ARHGEF28: variants seen among roughly 807,000 people sequenced by gnomAD.
ARHGEF28 encodes the protein Rho guanine nucleotide exchange factor 28, also known as 190 kDa guanine nucleotide exchange factor.
ARHGEF28 carries 152 observed loss-of-function variants against 206.6 expected under a neutral mutation model. The ratio of observed to expected loss-of-function variants is 0.74; its 90% CI spans 0.64 to 0.84. ARHGEF28 has a LOEUF of 0.84. Ranked by LOEUF, ARHGEF28 falls within the 40% of genes least tolerant of loss-of-function variation. ARHGEF28 has a pLI of 0.00. For missense variants in ARHGEF28, 2,028 were observed against 2,073.2 expected (o/e 0.98, Z 0.42); for synonymous variants, 763 against 776.4 (o/e 0.98, Z 0.29).
chr5:73,703,106 G>C (rs1304062388), intron 2 of ARHGEF28, among the ~76,000 whole-genome samples: 3 of 152,174 alleles, frequency 2.0e-5, no homozygotes, highest in African/African-American at 7.2e-5. Flanking sequence ...TTAGAGAATG[G>C]AGGTTATCTC....
chr5:73,696,877 G>A (rs933747713), intron 2 of ARHGEF28, among the ~76,000 whole-genome samples: 9 of 152,186 alleles, frequency 5.9e-5, no homozygotes, highest in African/African-American at 1.9e-4. Context: ...TTTCTGTACT[G>A]TGAGTTTTCC....
At chr5:73,689,313 C>G (rs962154150) in intron 2 of ARHGEF28, among the ~76,000 whole-genome samples, 3 of 152,038 alleles carry the variant, frequency 2.0e-5, no homozygotes, top group Admixed American at 2.0e-4. Flanking sequence ...CTGAACTCAG[C>G]CACAGATTCA....
intron 26 of ARHGEF28, among the ~76,000 whole-genome samples, chr5:73,890,671 T>C (rs1392087873): frequency 6.6e-6 from 1 of 152,186 alleles, no homozygotes; most frequent in Non-Finnish European, 1.5e-5. Flanking sequence ...CCAAGCTGTA[T>C]GATGCTGGGA....
intron 2 of ARHGEF28, among the ~76,000 whole-genome samples, chr5:73,737,454 TTTC>T (rs1751027597): frequency 2.3e-5 from 1 of 43,392 alleles, no homozygotes; most frequent in Admixed American, 3.0e-4. Context: ...TTTCTTTTCT[TTTC>T]TTTTCTTTTC....
At chr5:73,704,268 C>A (rs1195264446) in intron 2 of ARHGEF28, among the ~76,000 whole-genome samples, 1 of 152,090 alleles carries the variant, frequency 6.6e-6, no homozygotes, top group African/African-American at 2.4e-5. Context: ...TAAAGGACAT[C>A]ATCTACCTGT....
intron 9 of ARHGEF28, among the ~76,000 whole-genome samples, chr5:73,825,576 T>A (rs1756856475): frequency 6.6e-6 from 1 of 152,198 alleles, no homozygotes; most frequent in South Asian, 2.1e-4. Context: ...TGACTCGATT[T>A]CCTTTGTCTA....
intron 21 of ARHGEF28, among the ~76,000 whole-genome samples, chr5:73,870,795 A>G (rs770314699): frequency 1.3e-5 from 2 of 152,186 alleles, no homozygotes; most frequent in Non-Finnish European, 2.9e-5. Flanking sequence ...TGGATTGGAG[A>G]AAGTTAAATT....
At chr5:73,921,732 T>G (rs182313142) in intron 35 of ARHGEF28, among the ~76,000 whole-genome samples, 2 of 152,358 alleles carry the variant, frequency 1.3e-5, no homozygotes, top group Admixed American at 6.5e-5. Flanking sequence ...AAATACAGAA[T>G]ATTTGGATCA....
intron 1 of ARHGEF28, 119 bp from the exon 2 acceptor site, chr5:73,684,722 A>G: frequency 1.5e-6 from 1 of 675,700 alleles, no homozygotes; most frequent in Non-Finnish European, 2.4e-6. Flanking sequence ...TTGTCTCTGC[A>G]GTTTTCCTAT....
chr5:73,645,735 T>G (rs1744384173), intron 1 of ARHGEF28, among the ~76,000 whole-genome samples: 1 of 152,204 alleles, frequency 6.6e-6, no homozygotes, highest in Non-Finnish European at 1.5e-5. Flanking sequence ...ACTCTTTTAT[T>G]CTCCATTTCC....
chr5:73,802,160 G>T (rs1272169880), intron 9 of ARHGEF28, among the ~76,000 whole-genome samples: 2 of 152,142 alleles, frequency 1.3e-5, no homozygotes, highest in South Asian at 2.1e-4. Flanking sequence ...GGCAAACTTT[G>T]GGGGGAAAAA....
chr5:73,641,757 A>C (rs563142884), intron 1 of ARHGEF28, among the ~76,000 whole-genome samples: 81 of 152,278 alleles, frequency 5.3e-4, no homozygotes, highest in African/African-American at 1.8e-3. Context: ...GCAGCATTTG[A>C]GGGCTGCGTT....
At chr5:73,826,868 G>C (rs2112549275) in intron 9 of ARHGEF28, among the ~76,000 whole-genome samples, 1 of 152,324 alleles carries the variant, frequency 6.6e-6, no homozygotes, top group East Asian at 1.9e-4. Flanking sequence ...CGGAGCCCTT[G>C]TGGAGTCACC....
At chr5:73,767,199 T>C (rs2112434516) in intron 4 of ARHGEF28, among the ~76,000 whole-genome samples, 1 of 152,328 alleles carries the variant, frequency 6.6e-6, no homozygotes, top group Admixed American at 6.5e-5. Context: ...TTGCCCAGTC[T>C]CAGGTATGTC....
At chr5:73,765,049 A>T (rs868319293) in intron 4 of ARHGEF28, among the ~76,000 whole-genome samples, 5 of 151,938 alleles carry the variant, frequency 3.3e-5, no homozygotes, top group African/African-American at 1.2e-4. Flanking sequence ...ATATCTGTAA[A>T]TTTTCATATC....
intron 6 of ARHGEF28, among the ~76,000 whole-genome samples, chr5:73,777,792 G>C (rs946221042): frequency 2.6e-5 from 4 of 152,242 alleles, no homozygotes; most frequent in African/African-American, 7.2e-5. Flanking sequence ...GCTCAAGCTG[G>C]CTGGGCGTGG....
At chr5:73,688,956 T>C (rs1747644845) in intron 2 of ARHGEF28, among the ~76,000 whole-genome samples, 1 of 152,320 alleles carries the variant, frequency 6.6e-6, no homozygotes, top group East Asian at 1.9e-4. Context: ...ACCAGGCCAA[T>C]AATGTTTATC....
intron 1 of ARHGEF28, among the ~76,000 whole-genome samples, chr5:73,669,577 A>G (rs1351452396): frequency 6.6e-6 from 1 of 152,238 alleles, no homozygotes; most frequent in Non-Finnish European, 1.5e-5. Context: ...AGTTCCCACA[A>G]TGGAAACATT....
intron 1 of ARHGEF28, among the ~76,000 whole-genome samples, chr5:73,664,728 G>C (rs1276811557): frequency 6.6e-6 from 1 of 152,098 alleles, no homozygotes; most frequent in Non-Finnish European, 1.5e-5. Flanking sequence ...CTTGCAAGTA[G>C]CAACTCCCTT....
Sources: gnomAD v4.1 joint callset for allele counts (sites outside exome capture counted in the v4.1 genomes callset) on GRCh38, gnomAD v4.1.1 for gene constraint, MANE v1.5 for transcripts, NCBI Gene and HGNC (gene_info 2026-07-23, HGNC 2026-07-21) for gene names.